Variants in PAX5 observed in about 807,000 individuals in gnomAD.
PAX5 encodes paired box protein Pax-5.
Under a neutral mutation model 43.7 loss-of-function variants are expected in PAX5, and 9 were observed. The ratio of observed to expected loss-of-function variants is 0.21; its 90% CI spans 0.12 to 0.36. PAX5 has a LOEUF of 0.36. Ranked by LOEUF, PAX5 falls within the 10% of genes least tolerant of loss-of-function variation. The pLI, the probability that PAX5 is intolerant of heterozygous loss-of-function variation, is 1.00. For synonymous variants in PAX5, 228 were observed against 214.3 expected (o/e 1.06, Z -0.56); for missense variants, 383 against 532.7 (o/e 0.72, Z 2.77).
rs374772052 is a variant in PAX5 at position 36,925,913 on chromosome 9, C to T, written c.781-2429G>A. On this transcript the variant is annotated intron_variant, in intron 6 of 9. Coordinates refer to ENST00000358127, the MANE Select transcript of PAX5 (RefSeq NM_016734.3). ...CCCCAGGAAGTGTGAGTCCCACCCTCATTCTGCTGGCCCCGCCAAGTGGTG... is the reference window on the plus strand; with the variant it reads ...CCCCAGGAAGTGTGAGTCCCACCCTTATTCTGCTGGCCCCGCCAAGTGGTG... Among the ~76,000 whole-genome samples the T allele has an allele frequency of 2.4e-4, 37 of 152,318 alleles. No homozygotes were observed. In the South Asian group the frequency reaches 7.5e-3, roughly 31 times the overall value.
At chr9:36,894,897 G>T (rs1827715476) in intron 7 of PAX5, among the ~76,000 whole-genome samples, 1 of 152,242 alleles carries the variant, frequency 6.6e-6, no homozygotes, top group South Asian at 2.1e-4. Flanking sequence ...GGCTCTGAGG[G>T]CTCAAATCCC....
chr9:36,905,950 C>G (rs997854305), intron 7 of PAX5, among the ~76,000 whole-genome samples: 4 of 152,144 alleles, frequency 2.6e-5, no homozygotes, highest in African/African-American at 9.7e-5. Flanking sequence ...CAAATTATCT[C>G]AACACTGGGG....
In PAX5 at chr9:37,020,532, C is replaced by A. The variant is rs1166573589; in HGVS notation, c.212+104G>T. 34 of 1,206,156 alleles carry A rather than the reference C, an allele frequency of 2.8e-5. No individual in the cohort carries two copies. In the South Asian group the frequency reaches 4.6e-4, roughly 16 times the overall value. 74.7% of individuals were successfully genotyped at this position (1,206,156 alleles called of 1,614,324 possible). ...AGTGCTCTGCGTGTGAAACAAAATG[C>A]CACCATGATTCTCACTATGATACTG... On this transcript the variant is annotated intron_variant, in intron 2 of 9. Transcript: ENST00000358127.
At chr9:37,006,147 A>C (rs947431615) in intron 4 of PAX5, among the ~76,000 whole-genome samples, 1 of 152,246 alleles carries the variant, frequency 6.6e-6, no homozygotes, top group African/African-American at 2.4e-5. Context: ...AATGTTATGA[A>C]TAAGTATCCC....
chr9:36,960,477 G>A (rs934804854), intron 6 of PAX5, among the ~76,000 whole-genome samples: 1 of 152,176 alleles, frequency 6.6e-6, no homozygotes, highest in Non-Finnish European at 1.5e-5. Flanking sequence ...CGGTGAAGGG[G>A]CGTGATGGGG....
intron 7 of PAX5, among the ~76,000 whole-genome samples, chr9:36,893,862 C>CG (rs1380837575): frequency 6.6e-6 from 1 of 152,184 alleles, no homozygotes; most frequent in African/African-American, 2.4e-5. Flanking sequence ...AGGACGGTGA[C>CG]GGTATGTCAC....
intron 6 of PAX5, among the ~76,000 whole-genome samples, chr9:36,940,563 G>A (rs541262221): frequency 2.5e-4 from 38 of 152,206 alleles, no homozygotes; most frequent in Admixed American, 4.6e-4. Flanking sequence ...CTGAGCCCAC[G>A]GCAACATCCC....
chr9:36,869,983 AATGGATGGATGGATGGATGGATAAATGG>A (rs1563914964), intron 8 of PAX5, among the ~76,000 whole-genome samples: 13 of 15,452 alleles, frequency 8.4e-4, no homozygotes, highest in African/African-American at 2.3e-3. Flanking sequence ...TGGATGGATA[AATGGATGGATGGATGGATGGATAAATGG>A]ATGGATGGAT....
Position 36,857,535 on chromosome 9 carries a change from A to G in PAX5, c.1013-10606T>C, listed in dbSNP as rs1297043429. ...AAAGGCAAGATGGATTCAGAAGCAG[A>G]GTAGAAATGGAACTTCATACTAGCT... is the stretch of plus-strand genomic sequence containing the variant. On this transcript the variant is annotated intron_variant, in intron 8 of 9. Coordinates refer to ENST00000358127, the MANE Select transcript of PAX5 (RefSeq NM_016734.3). Among the ~76,000 whole-genome samples the G allele has an allele frequency of 3.3e-5, 5 of 152,228 alleles. No individual in the cohort carries two copies. The South Asian group carries it at 1.0e-3, about 32-fold the overall frequency.
intron 5 of PAX5, among the ~76,000 whole-genome samples, chr9:36,993,974 C>T (rs1052142310): frequency 6.6e-6 from 1 of 152,150 alleles, no homozygotes; most frequent in South Asian, 2.1e-4. Flanking sequence ...AAACCAGGTG[C>T]ACAAACAGAG....
At chr9:36,990,304 C>T (rs1221099838) in intron 5 of PAX5, among the ~76,000 whole-genome samples, 1 of 152,134 alleles carries the variant, frequency 6.6e-6, no homozygotes, top group Non-Finnish European at 1.5e-5. Flanking sequence ...ATTGTTGAGT[C>T]AGCACTAGAA....
At position 36,882,707 on chromosome 9, in the gene PAX5, C is replaced by T. The variant is rs559434020; in HGVS notation, c.911-602G>A. On this transcript the variant is annotated intron_variant, in intron 7 of 9. Transcript: ENST00000358127. This position sits in a 1 kb window ranked among gnomAD's most constrained non-coding sequence, Gnocchi z 4.4. ...TTTGGCCTAGAGCTGTTTCTTCATT[C>T]AGTGAAGATGCAGGAAGCACCTCCC... is the stretch of plus-strand genomic sequence containing the variant. Among the ~76,000 whole-genome samples, 3 of 152,352 alleles carry T rather than the reference C, an allele frequency of 2.0e-5. No homozygotes were observed. The South Asian group carries it at 6.2e-4, about 32-fold the overall frequency.
At chr9:36,849,907 A>G (rs11789686) in intron 8 of PAX5, among the ~76,000 whole-genome samples, 2 of 152,174 alleles carry the variant, frequency 1.3e-5, no homozygotes, top group African/African-American at 2.4e-5. Context: ...ATGGTGTCTG[A>G]TTATCTGAAG....
intron 6 of PAX5, among the ~76,000 whole-genome samples, chr9:36,942,658 C>T (rs1226582850): frequency 1.3e-5 from 2 of 152,242 alleles, no homozygotes; most frequent in African/African-American, 4.8e-5. Context: ...GTGTGGTTCT[C>T]ATTCTTCTTC....
intron 6 of PAX5, among the ~76,000 whole-genome samples, chr9:36,965,962 C>A (rs923429014): frequency 1.3e-5 from 2 of 152,218 alleles, no homozygotes; most frequent in African/African-American, 4.8e-5. Context: ...AGCAGACAGC[C>A]GGTCAGCCAG....
At chr9:37,019,057 T>C (rs913033935) in intron 2 of PAX5, among the ~76,000 whole-genome samples, 1 of 152,098 alleles carries the variant, frequency 6.6e-6, no homozygotes, top group South Asian at 2.1e-4. Flanking sequence ...ATGAAGAGGC[T>C]CCACAAAAAG....
At position 36,837,058 on chromosome 9, in the gene PAX5, C is replaced by T. The variant is rs1821692207; in HGVS notation, c.*3502G>A. Reference sequence around the variant, plus strand: ...GCCAGCCTCTGGGTCCCTGTTCTTTCTTGCCTGATTGTGGGTCTGGGGGAT... The same window carrying T: ...GCCAGCCTCTGGGTCCCTGTTCTTTTTTGCCTGATTGTGGGTCTGGGGGAT... On this transcript the variant is annotated 3_prime_UTR_variant, in exon 10 of 10. Transcript: ENST00000358127. 1 of 232,682 alleles carries T rather than the reference C, an allele frequency of 4.3e-6. No homozygotes were observed. 14.4% of individuals were successfully genotyped at this position (232,682 alleles called of 1,614,324 possible).
At position 36,965,916 on chromosome 9, in the gene PAX5, T is replaced by C. The variant is rs569178738; in HGVS notation, c.780+633A>G. On this transcript the variant is annotated intron_variant, in intron 6 of 9. Coordinates refer to ENST00000358127, the MANE Select transcript of PAX5 (RefSeq NM_016734.3). The stretch of plus-strand genomic sequence containing the variant: ...GGGCCGAGCCTCGTGATCTCATCTC[T>C]ATAGCCACAGGTAGTGACTACTCTG... 9.2e-5 allele frequency among the ~76,000 whole-genome samples: 14 copies of C among 152,332 alleles called. No individual in the cohort carries two copies. The South Asian group carries it at 2.7e-3, about 29-fold the overall frequency.
chr9:37,025,904 A>G (rs1224863557), intron 1 of PAX5, among the ~76,000 whole-genome samples: 2 of 152,130 alleles, frequency 1.3e-5, no homozygotes, highest in Non-Finnish European at 2.9e-5. Flanking sequence ...GAAGGACCCA[A>G]TGGGGTCTTT....
Sources: allele counts gnomAD v4.1 joint callset (sites outside exome capture counted in the v4.1 genomes callset), GRCh38; gene constraint gnomAD v4.1.1; non-coding constraint Gnocchi (gnomAD v3.1); transcripts MANE v1.5; gene names NCBI Gene and HGNC (gene_info 2026-07-23, HGNC 2026-07-21).